Variants in BANF2 observed in about 807,000 individuals in gnomAD.
BANF2 encodes barrier-to-autointegration factor-like protein.
In BANF2, 4 loss-of-function variants were observed where a neutral mutation model predicts 8.0. That is an observed-to-expected ratio of 0.50 (90% confidence interval 0.25 to 1.14). The LOEUF is 1.14. Among genes scored for constraint, BANF2 ranks in the 50% most tolerant of loss-of-function variants. The pLI is 0.16. For synonymous variants in BANF2, 50 were observed against 40.6 expected (o/e 1.23, Z -0.88); for missense variants, 96 against 107.5 (o/e 0.89, Z 0.47).
intron 1 of BANF2, 82 bp from the exon 2 acceptor site, chr20:17,722,634 C>T (rs923023375): frequency 5.2e-5 from 38 of 734,616 alleles, no homozygotes; most frequent in Non-Finnish European, 5.8e-5. Context: ...TCGATGCCCT[C>T]GGCTCACACA....
chr20:17,703,173 GTGTGT>G (rs2037434593), intron 1 of BANF2, among the ~76,000 whole-genome samples: 1 of 152,216 alleles, frequency 6.6e-6, no homozygotes, highest in South Asian at 2.1e-4. Context: ...CTCAGATCAA[GTGTGT>G]GTCTTCAGAA....
At chr20:17,733,188 T>G (rs997809464) in intron 3 of BANF2, among the ~76,000 whole-genome samples, 1 of 152,208 alleles carries the variant, frequency 6.6e-6, no homozygotes, top group African/African-American at 2.4e-5. Context: ...CAGCTGATGC[T>G]GGCAGTGCCA....
chr20:17,735,138 G>T (rs1355306216), intron 3 of BANF2, among the ~76,000 whole-genome samples: 1 of 151,990 alleles, frequency 6.6e-6, no homozygotes, highest in Non-Finnish European at 1.5e-5. Context: ...GAAAAGAAAA[G>T]AAATCCCATG....
At chr20:17,711,642 G>A (rs893276117) in intron 1 of BANF2, among the ~76,000 whole-genome samples, 1 of 152,168 alleles carries the variant, frequency 6.6e-6, no homozygotes, top group East Asian at 1.9e-4. Context: ...TGAGACAAGG[G>A]GGTTAGGGTT....
At chr20:17,711,998 G>A (rs1168141262) in intron 1 of BANF2, among the ~76,000 whole-genome samples, 1 of 152,244 alleles carries the variant, frequency 6.6e-6, no homozygotes, top group African/African-American at 2.4e-5. Context: ...TGGCTGCCAG[G>A]TGGGTGTGGA....
In BANF2 at chr20:17,725,076, A is replaced by G; in HGVS notation, c.51A>G (p.Gly17=). Residue 17 remains glycine, a synonymous_variant, in exon 3 of 4, where the codon GGA becomes GGG. Coordinates refer to ENST00000246090, the MANE Select transcript of BANF2 (RefSeq NM_178477.5). The stretch of plus-strand genomic sequence containing the variant: ...GAGCCTTCCTCTCCGAACCCATTGG[A>G]GAAAAGGATGTCTGCTGGGTGGATG... ...RLRAFLSEPI[G]EKDVCWVDGI... is the part of the protein sequence containing the mutation. 1 of 1,610,162 alleles carries G rather than the reference A, an allele frequency of 6.2e-7. No homozygotes were observed. The highest frequency in any genetic ancestry group is 8.5e-7 in the Non-Finnish European group (1 of 1,176,350).
chr20:17,707,746 A>AT (rs1214817241), intron 1 of BANF2, among the ~76,000 whole-genome samples: 2 of 151,706 alleles, frequency 1.3e-5, no homozygotes, highest in South Asian at 2.1e-4. Context: ...CACCCGGCTA[A>AT]TTTTTTTGTA....
chr20:17,710,042 CT>C (rs1221523065), intron 1 of BANF2, among the ~76,000 whole-genome samples: 4 of 152,214 alleles, frequency 2.6e-5, no homozygotes, highest in Non-Finnish European at 5.9e-5. Context: ...TGGGGGCTCC[CT>C]CCCACTGGGG....
intron 2 of BANF2, among the ~76,000 whole-genome samples, chr20:17,723,265 C>T (rs1426258026): frequency 6.6e-6 from 1 of 152,130 alleles, no homozygotes; most frequent in Non-Finnish European, 1.5e-5. Flanking sequence ...TAGGGGTTGG[C>T]GTATTACAGT....
chr20:17,729,207 C>T (rs2037858393), intron 3 of BANF2, among the ~76,000 whole-genome samples: 1 of 152,178 alleles, frequency 6.6e-6, no homozygotes, highest in African/African-American at 2.4e-5. Context: ...CTAGCTCTGT[C>T]TTGTCTTCTC....
upstream of BANF2, among the ~76,000 whole-genome samples, chr20:17,697,048 T>C (rs969337636): frequency 3.9e-5 from 6 of 151,904 alleles, no homozygotes; most frequent in African/African-American, 1.5e-4. Flanking sequence ...TATGGCAGAG[T>C]TGGATTAATC....
In BANF2 at chr20:17,725,104, A is replaced by G. The variant is rs377226625; in HGVS notation, c.79A>G (p.Ile27Val). Residue 27 changes from isoleucine (I) to valine (V), a missense_variant, in exon 3 of 4, where the codon ATC (isoleucine) becomes GTC (valine). Coordinates refer to ENST00000246090, the MANE Select transcript of BANF2 (RefSeq NM_178477.5). ...AAAGGATGTCTGCTGGGTGGATGGC[A>G]TCAGCCATGAGCTCGCGATCAATTT... ...GEKDVCWVDG[I>V]SHELAINLVT... 7 of 1,612,702 alleles carry G rather than the reference A, an allele frequency of 4.3e-6. No homozygotes were observed. The highest frequency in any genetic ancestry group is 5.9e-6 in the Non-Finnish European group (7 of 1,178,746).
At chr20:17,704,526 G>T (rs2122574029) in intron 1 of BANF2, among the ~76,000 whole-genome samples, 1 of 152,304 alleles carries the variant, frequency 6.6e-6, no homozygotes, top group South Asian at 2.1e-4. Context: ...ACCCACTGTT[G>T]CTGAGGTCTA....
intron 1 of BANF2, among the ~76,000 whole-genome samples, chr20:17,702,236 A>G (rs2037419800): frequency 6.6e-6 from 1 of 152,204 alleles, no homozygotes; most frequent in Non-Finnish European, 1.5e-5. Context: ...TCGATGTGCC[A>G]AGTTCCACAG....
At chr20:17,697,612 A>G (rs1044036711), upstream of BANF2, among the ~76,000 whole-genome samples, 2 of 152,232 alleles carry the variant, frequency 1.3e-5, no homozygotes, top group Non-Finnish European at 1.5e-5. Context: ...CCCTGAAACA[A>G]GGATTTGAGT....
At chr20:17,695,315 A>G (rs1041726524), upstream of BANF2, among the ~76,000 whole-genome samples, 3 of 151,552 alleles carry the variant, frequency 2.0e-5, no homozygotes, top group Admixed American at 6.6e-5. Context: ...TTAGCTGGGC[A>G]TGGTGGCATG....
chr20:17,718,419 C>T (rs913987257), intron 1 of BANF2, among the ~76,000 whole-genome samples: 24 of 152,186 alleles, frequency 1.6e-4, no homozygotes, highest in African/African-American at 5.8e-4. Flanking sequence ...AGGTGATCCA[C>T]CTGCCTCAGC....
intron 3 of BANF2, among the ~76,000 whole-genome samples, chr20:17,726,647 T>C (rs903609225): frequency 1.3e-5 from 2 of 152,148 alleles, no homozygotes; most frequent in Admixed American, 1.3e-4. Flanking sequence ...GATCCAGCAA[T>C]CAGATGTCTC....
At chr20:17,724,161 A>G (rs1159406797) in intron 2 of BANF2, among the ~76,000 whole-genome samples, 1 of 152,242 alleles carries the variant, frequency 6.6e-6, no homozygotes, top group Non-Finnish European at 1.5e-5. Flanking sequence ...TTAAGGTCCT[A>G]GGAGACTCAA....
Sources: allele counts gnomAD v4.1 joint callset (sites outside exome capture counted in the v4.1 genomes callset), GRCh38; gene constraint gnomAD v4.1.1; transcripts MANE v1.5; gene names NCBI Gene and HGNC (gene_info 2026-07-23, HGNC 2026-07-21).